Variants in FGF12 observed in about 807,000 individuals in gnomAD.
The protein encoded by FGF12 is fibroblast growth factor 12, also known as fibroblast growth factor 12B.
Under a neutral mutation model 23.6 loss-of-function variants are expected in FGF12, and 14 were observed. The observed-to-expected ratio is 0.59, with a 90% CI of 0.39 to 0.93. The LOEUF (loss-of-function observed/expected upper bound fraction) is 0.93, where lower values mean the gene tolerates loss of function less well. FGF12 is among the 40% of genes least tolerant of loss of function. The probability of loss-of-function intolerance (pLI) is 0.00; values close to 1 mark genes in which losing one functional copy is unlikely to be tolerated. For missense variants in FGF12, 175 were observed against 217.8 expected (o/e 0.80, Z 1.24); for synonymous variants, 62 against 77.3 (o/e 0.80, Z 1.04).
chr3:192,510,988 T>C (rs1724452277), intron 2 of FGF12, among the ~76,000 whole-genome samples: 1 of 152,200 alleles, frequency 6.6e-6, no homozygotes, highest in African/African-American at 2.4e-5. Context: ...TTGAGGTATG[T>C]GTTTTTTATA....
chr3:192,163,198 A>T (rs1366486548), intron 5 of FGF12, among the ~76,000 whole-genome samples: 1 of 152,118 alleles, frequency 6.6e-6, no homozygotes, highest in Non-Finnish European at 1.5e-5. Context: ...CTTTCATTCA[A>T]ACAAAAATTG....
chr3:192,550,427 G>T (rs1325222205), intron 2 of FGF12, among the ~76,000 whole-genome samples: 1 of 149,478 alleles, frequency 6.7e-6, no homozygotes, highest in Non-Finnish European at 1.5e-5. Context: ...ATTATATATT[G>T]CATATGTTAC....
chr3:192,714,893 A>G (rs185227777), intron 2 of FGF12, among the ~76,000 whole-genome samples: 1 of 152,332 alleles, frequency 6.6e-6, no homozygotes, highest in East Asian at 1.9e-4. Context: ...ATACTAGTCT[A>G]TAAGTTTCAA....
intron 2 of FGF12, among the ~76,000 whole-genome samples, chr3:192,388,251 A>C (rs1184256335): frequency 2.6e-5 from 4 of 152,184 alleles, no homozygotes; most frequent in African/African-American, 9.7e-5. Context: ...GCAACAAAGC[A>C]AGACCCTATC....
chr3:192,352,160 T>C (rs559677877), intron 3 of FGF12, among the ~76,000 whole-genome samples: 13 of 152,258 alleles, frequency 8.5e-5, no homozygotes, highest in Middle Eastern at 3.4e-3. Context: ...TTGTTTAAGA[T>C]GATAGAAAGT....
intron 2 of FGF12, among the ~76,000 whole-genome samples, chr3:192,557,001 T>C (rs994275252): frequency 6.6e-6 from 1 of 151,716 alleles, no homozygotes; most frequent in Non-Finnish European, 1.5e-5. Flanking sequence ...AAAATATTGC[T>C]AGACAAATAA....
At chr3:192,699,103 C>T (rs1718217124) in intron 2 of FGF12, among the ~76,000 whole-genome samples, 1 of 152,088 alleles carries the variant, frequency 6.6e-6, no homozygotes, top group Admixed American at 6.6e-5. Flanking sequence ...TCCTTATAAC[C>T]CATTTGCAGC....
chr3:192,610,743 T>C (rs1192735919), intron 2 of FGF12, among the ~76,000 whole-genome samples: 4 of 152,062 alleles, frequency 2.6e-5, no homozygotes, highest in Non-Finnish European at 5.9e-5. Flanking sequence ...CCATTTCTTC[T>C]TTGACTATCT....
chr3:192,727,496 G>T lies in FGF12; in HGVS notation c.-143C>A. On this transcript the variant is annotated 5_prime_UTR_variant, in exon 1 of 6. Coordinates refer to ENST00000445105, the MANE Select transcript of FGF12 (RefSeq NM_004113.6). ...TTTTTTTTTTTACCTGGGTCTGGAA[G>T]CTGCAGGCAGGAGCTGTCCTCCGAG... 1 of 609,454 alleles carries T rather than the reference G, an allele frequency of 1.6e-6. No individual in the cohort carries two copies. The highest frequency in any genetic ancestry group is 2.7e-6 in the Non-Finnish European group (1 of 369,288). The allele number at this position is 609,454 out of a possible 1,614,324, so 37.8% of individuals were successfully genotyped here.
At chr3:192,430,129 C>T (rs1340609015) in intron 2 of FGF12, among the ~76,000 whole-genome samples, 1 of 151,894 alleles carries the variant, frequency 6.6e-6, no homozygotes, top group Non-Finnish European at 1.5e-5. Flanking sequence ...AACTCAATGT[C>T]CATTGATGGA....
intron 2 of FGF12, among the ~76,000 whole-genome samples, chr3:192,695,699 G>A (rs1456399655): frequency 1.3e-5 from 2 of 152,234 alleles, no homozygotes; most frequent in Middle Eastern, 3.4e-3. Flanking sequence ...CTCACTCAAA[G>A]TATGATTCCT....
intron 2 of FGF12, among the ~76,000 whole-genome samples, chr3:192,669,602 TAAAAAAAAAAAAAAAAA>T (rs59897483): frequency 5.0e-5 from 3 of 59,526 alleles, no homozygotes; most frequent in East Asian, 4.8e-4. Context: ...GACTCTGTCT[TAAAAAAAAAAAAAAAAA>T]AAAAAAAAAA....
chr3:192,688,737 G>T (rs1560195116), intron 2 of FGF12, among the ~76,000 whole-genome samples: 2 of 152,004 alleles, frequency 1.3e-5, no homozygotes, highest in Admixed American at 1.3e-4. Flanking sequence ...TTCACCAATG[G>T]ATATTTATTC....
chr3:192,147,013 T>A (rs1011280455), intron 5 of FGF12, among the ~76,000 whole-genome samples: 1 of 152,152 alleles, frequency 6.6e-6, no homozygotes, highest in African/African-American at 2.4e-5. Flanking sequence ...AAACGACAAG[T>A]AAAAGGTAGG....
chr3:192,601,860 C>A (rs1188329201), intron 2 of FGF12, among the ~76,000 whole-genome samples: 6 of 151,982 alleles, frequency 3.9e-5, no homozygotes, highest in African/African-American at 1.4e-4. Context: ...CAATATTTTT[C>A]AGGGAATAAG....
At chr3:192,435,446 C>G (rs571315287) in intron 2 of FGF12, among the ~76,000 whole-genome samples, 1 of 152,286 alleles carries the variant, frequency 6.6e-6, no homozygotes, top group South Asian at 2.1e-4. Flanking sequence ...CAGGACTGCT[C>G]ACTGTGATAA....
chr3:192,426,582 G>C (rs919432436), intron 2 of FGF12, among the ~76,000 whole-genome samples: 2 of 152,162 alleles, frequency 1.3e-5, no homozygotes. Flanking sequence ...CATTTTAGAT[G>C]ATGGCAATCC....
At chr3:192,629,033 T>C (rs1715287984) in intron 2 of FGF12, among the ~76,000 whole-genome samples, 1 of 152,178 alleles carries the variant, frequency 6.6e-6, no homozygotes, top group South Asian at 2.1e-4. Context: ...TTCTGTAAAC[T>C]ACAAAGTTTC....
intron 2 of FGF12, among the ~76,000 whole-genome samples, chr3:192,584,053 A>C (rs941355953): frequency 1.6e-4 from 25 of 152,332 alleles, no homozygotes; most frequent in African/African-American, 5.8e-4. Context: ...TCTAAATTCA[A>C]TAAGGAGCCA....
Sources: gnomAD v4.1 joint callset for allele counts (sites outside exome capture counted in the v4.1 genomes callset) on GRCh38, gnomAD v4.1.1 for gene constraint, MANE v1.5 for transcripts, NCBI Gene and HGNC (gene_info 2026-07-23, HGNC 2026-07-21) for gene names.